Variants in RBFOX3 observed in about 807,000 individuals in gnomAD.
RBFOX3 encodes the protein RNA binding protein fox-1 homolog 3.
RBFOX3 carries 17 observed loss-of-function variants against 48.7 expected under a neutral mutation model. The observed-to-expected ratio is 0.35, with a 90% CI of 0.24 to 0.52. RBFOX3 has a LOEUF of 0.52. Ranked by LOEUF, RBFOX3 falls within the 20% of genes least tolerant of loss-of-function variation. RBFOX3 has a pLI of 0.94. For synonymous variants in RBFOX3, 212 were observed against 209.5 expected (o/e 1.01, Z -0.10); for missense variants, 382 against 497.5 (o/e 0.77, Z 2.21).
In RBFOX3 at chr17:79,115,474, G is replaced by C. The variant is rs2033651209; in HGVS notation, c.222+20C>G. ...TCCCTGAAGCTCCAGGGCTGGGCCTGGGGTCGTGGGGGCCCTTACCGGCAC... is the reference window on the plus strand; with the variant it reads ...TCCCTGAAGCTCCAGGGCTGGGCCTCGGGTCGTGGGGGCCCTTACCGGCAC... On this transcript the variant is annotated intron_variant, in intron 5 of 14. Coordinates refer to ENST00000693108, the MANE Select transcript of RBFOX3 (RefSeq NM_001350451.2). 1 of 1,304,576 alleles carries C rather than the reference G, an allele frequency of 7.7e-7. No homozygotes were observed. Among genetic ancestry groups the C allele is most frequent in the African/African-American group, 1.5e-5 (1 of 64,996 alleles). The allele number at this position is 1,304,576 out of a possible 1,614,324, so 80.8% of individuals were successfully genotyped here.
chr17:79,315,079 T>C (rs1324984956), intron 2 of RBFOX3, among the ~76,000 whole-genome samples: 3 of 152,136 alleles, frequency 2.0e-5, no homozygotes, highest in African/African-American at 7.2e-5. Context: ...GAGACCCTGA[T>C]TATACATGCG....
chr17:79,615,925 C>T (rs1012662502), upstream of RBFOX3, among the ~76,000 whole-genome samples: 4 of 152,174 alleles, frequency 2.6e-5, no homozygotes, highest in Admixed American at 6.5e-5. Flanking sequence ...CTCCCAGGCT[C>T]CTCCGTCTAA....
chr17:79,515,206 G>C (rs1345645301), intron 1 of RBFOX3, among the ~76,000 whole-genome samples: 2 of 152,320 alleles, frequency 1.3e-5, no homozygotes, highest in African/African-American at 4.8e-5. Flanking sequence ...CTTCCATCTG[G>C]ATCAGCAGAG....
At chr17:79,611,367 G>GCCATGAC (rs1471594538), upstream of RBFOX3, among the ~76,000 whole-genome samples, 10 of 151,784 alleles carry the variant, frequency 6.6e-5, no homozygotes, top group African/African-American at 2.4e-4. Flanking sequence ...AGCGGGGAGA[G>GCCATGAC]CCATGACCGG....
intron 2 of RBFOX3, among the ~76,000 whole-genome samples, chr17:79,407,996 G>T (rs2063771531): frequency 6.6e-6 from 1 of 152,210 alleles, no homozygotes; most frequent in Non-Finnish European, 1.5e-5. Context: ...CCAGGTCCCA[G>T]CTAGTTTGTT....
At chr17:79,356,362 T>TTTTTTTTTGTTTTTGTTTTTG (rs2085045505) in intron 2 of RBFOX3, among the ~76,000 whole-genome samples, 1 of 76,640 alleles carries the variant, frequency 1.3e-5, no homozygotes, top group Non-Finnish European at 2.6e-5. Flanking sequence ...TTTTTTTTTT[T>TTTTTTTTTGTTTTTGTTTTTG]TTTTTTTTTT....
upstream of RBFOX3, among the ~76,000 whole-genome samples, chr17:79,612,834 G>A (rs1290946480): frequency 6.6e-6 from 1 of 152,196 alleles, no homozygotes; most frequent in Non-Finnish European, 1.5e-5. Flanking sequence ...CTGCCTGGCA[G>A]GCACCTGTCT....
At chr17:79,431,008 T>C (rs1227180147) in intron 2 of RBFOX3, among the ~76,000 whole-genome samples, 1 of 152,248 alleles carries the variant, frequency 6.6e-6, no homozygotes, top group Non-Finnish European at 1.5e-5. Flanking sequence ...TGGAAATTCA[T>C]TGATCTCTGT....
chr17:79,151,191 G>A lies in RBFOX3; in HGVS notation c.-33-35443C>T, dbSNP rs931507353. 3.8e-4 allele frequency among the ~76,000 whole-genome samples: 58 copies of A among 151,874 alleles called. 3 individuals are homozygous for A. Among genetic ancestry groups the A allele is most frequent in the South Asian group, 2.1e-4 (1 of 4,806 alleles). ...CAACAAAGCCGGCATCAGACCCTGCGTGCTGACCACCCCCTGCCCTGGGAG... is the reference window on the plus strand; with the variant it reads ...CAACAAAGCCGGCATCAGACCCTGCATGCTGACCACCCCCTGCCCTGGGAG... On this transcript the variant is annotated intron_variant, in intron 4 of 14. Transcript: ENST00000693108.
intron 2 of RBFOX3, among the ~76,000 whole-genome samples, chr17:79,394,735 C>T (rs887993836): frequency 6.6e-6 from 1 of 152,206 alleles, no homozygotes; most frequent in Non-Finnish European, 1.5e-5. Context: ...ACACTGAAGC[C>T]TGAGCCCCCA....
chr17:79,271,474 C>G (rs2067688553), intron 3 of RBFOX3, among the ~76,000 whole-genome samples: 1 of 152,226 alleles, frequency 6.6e-6, no homozygotes, highest in Non-Finnish European at 1.5e-5. Context: ...CTGCCGGACT[C>G]AAGCTCATTA....
chr17:79,561,733 C>A (rs2092233891), intron 1 of RBFOX3, among the ~76,000 whole-genome samples: 1 of 152,200 alleles, frequency 6.6e-6, no homozygotes, highest in Non-Finnish European at 1.5e-5. Context: ...AGTCACAGAG[C>A]AGCAACCAGC....
chr17:79,178,895 C>T (rs986454734), intron 4 of RBFOX3, among the ~76,000 whole-genome samples: 1 of 152,204 alleles, frequency 6.6e-6, no homozygotes, highest in Non-Finnish European at 1.5e-5. Flanking sequence ...GTGGCTGCAG[C>T]CAGCAGACCA....
intron 1 of RBFOX3, among the ~76,000 whole-genome samples, chr17:79,564,630 T>G (rs1172402388): frequency 6.6e-5 from 10 of 152,174 alleles, no homozygotes; most frequent in African/African-American, 2.4e-4. Flanking sequence ...ATCACAGGAT[T>G]ATTTATAACG....
chr17:79,425,133 C>A (rs1224767345), intron 2 of RBFOX3, among the ~76,000 whole-genome samples: 1 of 152,156 alleles, frequency 6.6e-6, no homozygotes, highest in Non-Finnish European at 1.5e-5. Flanking sequence ...CTACACTAAA[C>A]CCTCCAGGAG....
At chr17:79,450,218 C>T (rs892644043) in intron 2 of RBFOX3, among the ~76,000 whole-genome samples, 6 of 152,220 alleles carry the variant, frequency 3.9e-5, no homozygotes, top group South Asian at 2.1e-4. Context: ...ACTGCCCTCC[C>T]GCCCTCCTGT....
chr17:79,338,956 G>A (rs770585709), intron 2 of RBFOX3, among the ~76,000 whole-genome samples: 4 of 152,000 alleles, frequency 2.6e-5, no homozygotes, highest in Admixed American at 6.5e-5. Context: ...GGAAGGAGGC[G>A]GTTCTATAAA....
rs1387785741 is a variant in RBFOX3 at position 79,480,662 on chromosome 17, G to A, written c.-175+1792C>T. Among the ~76,000 whole-genome samples, 1 of 152,084 alleles carries A rather than the reference G, an allele frequency of 6.6e-6. No individual in the cohort carries two copies. Among genetic ancestry groups the A allele is most frequent in the African/African-American group, 2.4e-5 (1 of 41,406 alleles). On this transcript the variant is annotated intron_variant, in intron 2 of 14. Coordinates refer to ENST00000693108, the MANE Select transcript of RBFOX3 (RefSeq NM_001350451.2). The surrounding 1 kb of genome is among the most constrained non-coding windows in gnomAD (Gnocchi z 4.8). ...CCACACGTTGCTGCCTCGGCGCCTT[G>A]GCACTGGCCATTCCCTCTGTCTGGA...
At chr17:79,587,654 C>G (rs1313750050) in intron 1 of RBFOX3, among the ~76,000 whole-genome samples, 15 of 152,262 alleles carry the variant, frequency 9.9e-5, no homozygotes, top group African/African-American at 3.6e-4. Context: ...AGCAGGCTGG[C>G]CAGAAAGCTT....
Sources: allele counts gnomAD v4.1 joint callset (sites outside exome capture counted in the v4.1 genomes callset), GRCh38; gene constraint gnomAD v4.1.1; non-coding constraint Gnocchi (gnomAD v3.1); transcripts MANE v1.5; gene names NCBI Gene and HGNC (gene_info 2026-07-23, HGNC 2026-07-21).